Variants in MTCL2 observed in about 807,000 individuals in gnomAD.
MTCL2 encodes microtubule crosslinking factor 2.
chr20:36,852,763 AG>A, the MTCL2 span, among the ~76,000 whole-genome samples: 2 of 152,138 alleles, frequency 1.3e-5, no homozygotes, highest in Non-Finnish European at 2.9e-5. Context: ...GTTGCATCAA[AG>A]GTCCTGATGA....
At chr20:36,863,026 GC>G in the MTCL2 span, 2 of 1,400,290 alleles carry the variant, frequency 1.4e-6, no homozygotes, top group Non-Finnish European at 9.3e-7. The surrounding 1 kb of genome is among the most constrained non-coding windows in gnomAD (Gnocchi z 6.2). Context: ...GGCGGTCGCG[GC>G]CCCGCACCCG....
chr20:36,821,159 C>T, the MTCL2 span, among the ~76,000 whole-genome samples: 2 of 152,210 alleles, frequency 1.3e-5, no homozygotes, highest in Non-Finnish European at 1.5e-5. Context: ...GTATGCTAGG[C>T]ATGCATCTGT....
the MTCL2 span, among the ~76,000 whole-genome samples, chr20:36,833,661 C>A: frequency 6.6e-6 from 1 of 152,060 alleles, no homozygotes; most frequent in Non-Finnish European, 1.5e-5. Context: ...CCAGCCTGAG[C>A]AAAATAGGGA....
chr20:36,815,153 C>T, the MTCL2 span: 1 of 1,602,568 alleles, frequency 6.2e-7, no homozygotes, highest in South Asian at 1.1e-5. This position sits in a 1 kb window ranked among gnomAD's most constrained non-coding sequence, Gnocchi z 5.3. Context: ...GGTCTTTTGC[C>T]AGAAGAATCT....
the MTCL2 span, chr20:36,803,065 G>A: frequency 6.2e-7 from 1 of 1,608,948 alleles, no homozygotes; most frequent in Non-Finnish European, 8.5e-7. Context: ...TTCCAGTCGG[G>A]CCCTGCCCGC....
chr20:36,811,081 A>G, the MTCL2 span, among the ~76,000 whole-genome samples: 9 of 152,310 alleles, frequency 5.9e-5, no homozygotes, highest in East Asian at 1.7e-3. Flanking sequence ...GAGAAAGTAA[A>G]CATTCATTAT....
the MTCL2 span, chr20:36,786,159 G>T: frequency 9.8e-7 from 1 of 1,018,728 alleles, no homozygotes; most frequent in Non-Finnish European, 1.2e-6. Context: ...AGGGTGGCAT[G>T]GGCAGAACCA....
chr20:36,849,786 T>G, the MTCL2 span, among the ~76,000 whole-genome samples: 2 of 152,192 alleles, frequency 1.3e-5, no homozygotes, highest in African/African-American at 2.4e-5. Flanking sequence ...CACTGGAACC[T>G]TTGCACGTGG....
At chr20:36,854,024 G>A in the MTCL2 span, among the ~76,000 whole-genome samples, 40 of 152,132 alleles carry the variant, frequency 2.6e-4, no homozygotes, top group Admixed American at 7.9e-4. Context: ...GGGGTCTGAG[G>A]TCTTTAGGGA....
chr20:36,858,463 AACACACACACACAC>A, the MTCL2 span, among the ~76,000 whole-genome samples: 190 of 25,548 alleles, frequency 7.4e-3, 19 homozygotes, highest in South Asian at 0.014. Flanking sequence ...AAGGAGGGAA[AACACACACACACAC>A]ACACACACAC....
the MTCL2 span, among the ~76,000 whole-genome samples, chr20:36,845,596 G>A: frequency 6.6e-6 from 1 of 152,262 alleles, no homozygotes; most frequent in Admixed American, 6.5e-5. Flanking sequence ...GCAGGGACGT[G>A]GGCGGGAGAG....
the MTCL2 span, chr20:36,785,101 T>C: frequency 7.1e-6 from 7 of 985,300 alleles, no homozygotes; most frequent in Admixed American, 4.3e-4. Flanking sequence ...GACTGACCGC[T>C]GGGGCTGGCC....
chr20:36,858,776 G>T, the MTCL2 span, among the ~76,000 whole-genome samples: 1 of 152,010 alleles, frequency 6.6e-6, no homozygotes, highest in Non-Finnish European at 1.5e-5. Flanking sequence ...GGTTGTCCAG[G>T]CAGGTTCCAT....
chr20:36,792,524 TA>T, the MTCL2 span, among the ~76,000 whole-genome samples: 828 of 131,766 alleles, frequency 6.3e-3, 6 homozygotes, highest in African/African-American at 0.019. Context: ...ACAAAAACAA[TA>T]AAAAAAAAAA....
chr20:36,826,285 CT>C, the MTCL2 span, among the ~76,000 whole-genome samples: 2 of 129,012 alleles, frequency 1.6e-5, no homozygotes, highest in Non-Finnish European at 3.2e-5. Context: ...CTGGTCTTTT[CT>C]TTTCTGTTTC....
chr20:36,804,675 T>C, the MTCL2 span: 1 of 1,588,600 alleles, frequency 6.3e-7, no homozygotes, highest in South Asian at 1.1e-5. Context: ...CTCCCAGATC[T>C]GACAGCTAAA....
At chr20:36,862,672 T>C in the MTCL2 span, 1 of 1,497,890 alleles carries the variant, frequency 6.7e-7, no homozygotes. Context: ...AGATAGTCGT[T>C]CTCCGAGCGC....
the MTCL2 span, among the ~76,000 whole-genome samples, chr20:36,811,947 G>GT: frequency 6.6e-6 from 1 of 152,214 alleles, no homozygotes; most frequent in South Asian, 2.1e-4. Flanking sequence ...ATTATGAAGA[G>GT]CAAGGAGAAG....
chr20:36,816,235 T>C, the MTCL2 span: 1 of 1,612,514 alleles, frequency 6.2e-7, no homozygotes, highest in Non-Finnish European at 8.5e-7. Flanking sequence ...GCAAGCTTAG[T>C]GAGCTTCTTG....
Sources: allele counts gnomAD v4.1 joint callset (sites outside exome capture counted in the v4.1 genomes callset), GRCh38; gene constraint gnomAD v4.1.1; non-coding constraint Gnocchi (gnomAD v3.1); transcripts MANE v1.5; gene names NCBI Gene and HGNC (gene_info 2026-07-23, HGNC 2026-07-21).